The following PDE4D variants were observed in gnomAD, a reference collection of about 807,000 sequenced individuals.
PDE4D encodes the protein 3',5'-cyclic-AMP phosphodiesterase 4D.
PDE4D carries 24 observed loss-of-function variants against 87.4 expected under a neutral mutation model. The ratio of observed to expected loss-of-function variants is 0.27; its 90% CI spans 0.20 to 0.39. The LOEUF is 0.39. Ranked by LOEUF, PDE4D falls within the 10% of genes least tolerant of loss-of-function variation. The pLI is 1.00. For synonymous variants in PDE4D, 384 were observed against 383.2 expected (o/e 1.00, Z -0.02); for missense variants, 714 against 1,041.0 (o/e 0.69, Z 4.32).
At chr5:60,131,182 T>C (rs1309111680) in intron 2 of PDE4D, among the ~76,000 whole-genome samples, 1 of 152,226 alleles carries the variant, frequency 6.6e-6, no homozygotes, top group African/African-American at 2.4e-5. Context: ...AATGTTTTCA[T>C]TAAATAAACT....
At chr5:59,713,776 A>C (rs1341962560) in intron 1 of PDE4D, among the ~76,000 whole-genome samples, 1 of 152,206 alleles carries the variant, frequency 6.6e-6, no homozygotes, top group Non-Finnish European at 1.5e-5. Context: ...CTGGAAGTGC[A>C]GAGCACCGAG....
intron 11 of PDE4D, 108 bp from the exon 12 acceptor site, chr5:58,977,453 G>T: frequency 1.1e-6 from 1 of 928,422 alleles, no homozygotes; most frequent in Admixed American, 2.3e-5. Flanking sequence ...CTTCTCTGCT[G>T]CCCTTATCAT....
At chr5:59,612,759 G>T (rs1205617175) in intron 1 of PDE4D, among the ~76,000 whole-genome samples, 1 of 152,040 alleles carries the variant, frequency 6.6e-6, no homozygotes, top group Non-Finnish European at 1.5e-5. Context: ...AAGAGGTGAG[G>T]AAAGAAAACA....
At chr5:59,647,054 T>A (rs549509231) in intron 1 of PDE4D, among the ~76,000 whole-genome samples, 2 of 152,066 alleles carry the variant, frequency 1.3e-5, no homozygotes, top group East Asian at 1.9e-4. Context: ...CAAAAAAAAA[T>A]TTGTAGACAA....
chr5:59,992,716 C>T (rs1763140282), intron 2 of PDE4D, among the ~76,000 whole-genome samples: 1 of 152,020 alleles, frequency 6.6e-6, no homozygotes, highest in Non-Finnish European at 1.5e-5. Flanking sequence ...CAAGACGTAA[C>T]TTTTTTGAGA....
intron 1 of PDE4D, among the ~76,000 whole-genome samples, chr5:59,229,672 G>A (rs2153516027): frequency 6.6e-6 from 1 of 152,262 alleles, no homozygotes; most frequent in East Asian, 1.9e-4. Context: ...CCAGTGAGAA[G>A]CTCTTAGCTT....
chr5:59,257,796 T>C (rs1307651266), intron 1 of PDE4D, among the ~76,000 whole-genome samples: 1 of 152,026 alleles, frequency 6.6e-6, no homozygotes, highest in Non-Finnish European at 1.5e-5. Flanking sequence ...AGAAGGGATT[T>C]ACAGCAGCAG....
chr5:58,990,673 C>A, intron 9 of PDE4D, 131 bp downstream of exon 9: 1 of 544,956 alleles, frequency 1.8e-6, no homozygotes, highest in Admixed American at 3.3e-5. Context: ...GGCAAAGGAG[C>A]AAATAAGGAT....
At chr5:59,339,722 G>A (rs1051986369) in intron 1 of PDE4D, among the ~76,000 whole-genome samples, 8 of 152,128 alleles carry the variant, frequency 5.3e-5, no homozygotes, top group African/African-American at 9.7e-5. Flanking sequence ...GGAGCTGTGC[G>A]TCCTTGAGAG....
intron 3 of PDE4D, chr5:59,986,969 T>C (rs1449783341): frequency 6.6e-6 from 1 of 152,222 alleles, no homozygotes; most frequent in Non-Finnish European, 1.5e-5. Context: ...CTTACTTCAC[T>C]TGGGGACTCT....
At chr5:60,125,276 A>G (rs1004034289) in intron 2 of PDE4D, among the ~76,000 whole-genome samples, 4 of 152,108 alleles carry the variant, frequency 2.6e-5, no homozygotes, top group Non-Finnish European at 5.9e-5. Context: ...CTCAGACCAG[A>G]ATTTATATAG....
intron 1 of PDE4D, among the ~76,000 whole-genome samples, chr5:59,863,858 T>C (rs976076839): frequency 2.0e-5 from 3 of 152,130 alleles, no homozygotes; most frequent in Non-Finnish European, 2.9e-5. Flanking sequence ...AAATCTCCAT[T>C]GTTTTAAAAA....
chr5:60,135,837 TATTGG>T (rs1485189227), intron 2 of PDE4D, among the ~76,000 whole-genome samples: 1 of 152,202 alleles, frequency 6.6e-6, no homozygotes, highest in East Asian at 1.9e-4. Flanking sequence ...CTGCAATGCA[TATTGG>T]TATATTAAAG....
chr5:58,999,284 T>TA (rs34405862), intron 6 of PDE4D, among the ~76,000 whole-genome samples: 18 of 152,164 alleles, frequency 1.2e-4, no homozygotes, highest in African/African-American at 4.3e-4. Context: ...ACTGCGTATC[T>TA]AAAAAAGCTA....
chr5:60,014,405 A>C (rs1415212843), intron 2 of PDE4D, among the ~76,000 whole-genome samples: 1 of 152,206 alleles, frequency 6.6e-6, no homozygotes, highest in Non-Finnish European at 1.5e-5. Context: ...ATTATTTCTC[A>C]TTCTCAACCC....
intron 1 of PDE4D, among the ~76,000 whole-genome samples, chr5:59,732,834 T>C (rs1001409786): frequency 4.6e-5 from 7 of 152,070 alleles, no homozygotes; most frequent in Non-Finnish European, 7.4e-5. Context: ...TTTAAGGACA[T>C]ATCACAAGTA....
chr5:59,188,129 A>G (rs1390266416), intron 3 of PDE4D, among the ~76,000 whole-genome samples: 1 of 151,662 alleles, frequency 6.6e-6, no homozygotes, highest in Non-Finnish European at 1.5e-5. Flanking sequence ...CCTGAATTCG[A>G]CTCTTTAAGA....
chr5:59,710,248 C>T (rs894174361), intron 1 of PDE4D, among the ~76,000 whole-genome samples: 2 of 152,084 alleles, frequency 1.3e-5, no homozygotes, highest in Admixed American at 6.6e-5. Context: ...ACATGAAAGG[C>T]CATCTCGTTT....
At chr5:59,737,448 G>C (rs1314494538) in intron 1 of PDE4D, among the ~76,000 whole-genome samples, 1 of 151,910 alleles carries the variant, frequency 6.6e-6, no homozygotes, top group Non-Finnish European at 1.5e-5. Context: ...ATTGTGACCT[G>C]GGCAAGTTCC....
Sources: gnomAD v4.1 joint callset for allele counts (sites outside exome capture counted in the v4.1 genomes callset) on GRCh38, gnomAD v4.1.1 for gene constraint, MANE v1.5 for transcripts, NCBI Gene and HGNC (gene_info 2026-07-23, HGNC 2026-07-21) for gene names.